The following EPM2A variants were observed in gnomAD, a reference collection of about 807,000 sequenced individuals.
EPM2A encodes laforin.
EPM2A carries 21 observed loss-of-function variants against 26.5 expected under a neutral mutation model. That is an observed-to-expected ratio of 0.79 (90% CI 0.56 to 1.14). The LOEUF (loss-of-function observed/expected upper bound fraction) is 1.14. Ranked by LOEUF, EPM2A falls within the 50% of genes most tolerant of loss-of-function variation. The probability of loss-of-function intolerance (pLI) is 0.00; values close to 1 mark genes in which losing one functional copy is unlikely to be tolerated. For missense variants in EPM2A, 458 were observed against 440.8 expected, an observed-to-expected ratio of 1.04 and a Z score of -0.35; for synonymous variants, 217 against 177.6, an observed-to-expected ratio of 1.22 and a Z score of -1.76.
intron 2 of EPM2A, among the ~76,000 whole-genome samples, chr6:145,593,923 G>A (rs1001533085): frequency 1.3e-5 from 2 of 151,168 alleles, no homozygotes; most frequent in African/African-American, 2.4e-5. Flanking sequence ...AAACTAAAGC[G>A]AAAATCAAAG....
At chr6:145,457,889 T>C (rs1405016276) in intron 4 of EPM2A, among the ~76,000 whole-genome samples, 1 of 152,224 alleles carries the variant, frequency 6.6e-6, no homozygotes, top group Non-Finnish European at 1.5e-5. Context: ...TCTATTCAAA[T>C]ACAAATGTAA....
At chr6:145,408,476 A>G (rs1395582218) in intron 4 of EPM2A, among the ~76,000 whole-genome samples, 2 of 152,108 alleles carry the variant, frequency 1.3e-5, no homozygotes, top group Non-Finnish European at 2.9e-5. Context: ...CAGGGCTTCC[A>G]CTACAATTAC....
intron 2 of EPM2A, among the ~76,000 whole-genome samples, chr6:145,583,047 T>C (rs996267796): frequency 1.3e-5 from 2 of 152,202 alleles, no homozygotes; most frequent in African/African-American, 4.8e-5. Flanking sequence ...TTGTCTTTCA[T>C]TTCCCGTCTT....
At chr6:145,521,504 A>G (rs999844789) in intron 2 of EPM2A, among the ~76,000 whole-genome samples, 7 of 152,364 alleles carry the variant, frequency 4.6e-5, no homozygotes, top group Admixed American at 3.9e-4. Context: ...GTGCAGGCAC[A>G]GATAATAGGT....
intron 2 of EPM2A, among the ~76,000 whole-genome samples, chr6:145,611,837 A>G (rs376319716): frequency 2.6e-4 from 40 of 152,284 alleles, no homozygotes; most frequent in African/African-American, 8.4e-4. Context: ...CAATATAATT[A>G]GCCAAGTTGT....
chr6:145,601,784 G>A (rs991984489), intron 2 of EPM2A, among the ~76,000 whole-genome samples: 7 of 152,148 alleles, frequency 4.6e-5, no homozygotes, highest in Non-Finnish European at 2.9e-5. Flanking sequence ...AACTAGTCAT[G>A]TGACCTCTTT....
chr6:145,606,482 T>C (rs1218506419), intron 2 of EPM2A, among the ~76,000 whole-genome samples: 1 of 152,090 alleles, frequency 6.6e-6, no homozygotes, highest in Non-Finnish European at 1.5e-5. Flanking sequence ...TTAAATACTG[T>C]ATTAAACTTT....
intron 4 of EPM2A, among the ~76,000 whole-genome samples, chr6:145,462,290 C>T (rs577756860): frequency 6.0e-4 from 91 of 152,182 alleles, no homozygotes; most frequent in African/African-American, 2.1e-3. Context: ...CAAGGAGATG[C>T]GTGTGTTTGC....
intron 4 of EPM2A, among the ~76,000 whole-genome samples, chr6:145,390,189 C>T (rs1778318413): frequency 6.6e-6 from 1 of 152,066 alleles, no homozygotes; most frequent in Non-Finnish European, 1.5e-5. Context: ...GGCTGAATTC[C>T]TTCTTTCTTT....
intron 2 of EPM2A, among the ~76,000 whole-genome samples, chr6:145,656,729 G>A (rs1562450519): frequency 6.6e-6 from 1 of 152,090 alleles, no homozygotes; most frequent in Admixed American, 6.6e-5. Flanking sequence ...GTATGAAGCT[G>A]AATGGGATCA....
At chr6:145,485,499 G>C (rs990371032) in intron 4 of EPM2A, among the ~76,000 whole-genome samples, 5 of 152,028 alleles carry the variant, frequency 3.3e-5, no homozygotes, top group African/African-American at 9.7e-5. Flanking sequence ...ACTTCAGAGA[G>C]AGAAGTGAAT....
intron 4 of EPM2A, among the ~76,000 whole-genome samples, chr6:145,422,092 G>C (rs955189939): frequency 7.0e-6 from 1 of 142,132 alleles, no homozygotes; most frequent in Non-Finnish European, 1.5e-5. Context: ...GAGAGAGAGA[G>C]ATAATATATA....
chr6:145,730,780 A>G (rs893523021), intron 1 of EPM2A, among the ~76,000 whole-genome samples: 37 of 152,212 alleles, frequency 2.4e-4, no homozygotes, highest in African/African-American at 8.9e-4. Context: ...GTGATATAAG[A>G]AAAAGGAACA....
chr6:145,404,009 T>C (rs1582728844), intron 4 of EPM2A, among the ~76,000 whole-genome samples: 1 of 152,300 alleles, frequency 6.6e-6, no homozygotes, highest in Admixed American at 6.5e-5. Flanking sequence ...ATTTCTCTGA[T>C]GACCAGTGAT....
intron 1 of EPM2A, among the ~76,000 whole-genome samples, chr6:145,727,555 A>G (rs993566333): frequency 6.6e-6 from 1 of 152,194 alleles, no homozygotes; most frequent in Non-Finnish European, 1.5e-5. Flanking sequence ...TCATTCAACC[A>G]ATATTTACTG....
At chr6:145,679,849 C>T (rs948332461) in intron 2 of EPM2A, among the ~76,000 whole-genome samples, 4 of 152,092 alleles carry the variant, frequency 2.6e-5, no homozygotes, top group Middle Eastern at 3.2e-3. Flanking sequence ...TAAACATCTG[C>T]GAACTGTTTG....
chr6:145,730,711 T>A (rs1249000109), intron 1 of EPM2A, among the ~76,000 whole-genome samples: 1 of 152,222 alleles, frequency 6.6e-6, no homozygotes, highest in East Asian at 1.9e-4. Flanking sequence ...TCAGTTTCTG[T>A]TACTTGCAAT....
At chr6:145,390,643 T>C (rs1304595837) in intron 4 of EPM2A, among the ~76,000 whole-genome samples, 1 of 152,056 alleles carries the variant, frequency 6.6e-6, no homozygotes, top group African/African-American at 2.4e-5. Flanking sequence ...ATTTGTGTTT[T>C]GCTCTCTTAT....
intron 2 of EPM2A, among the ~76,000 whole-genome samples, chr6:145,526,119 A>G (rs1780269711): frequency 6.6e-6 from 1 of 152,146 alleles, no homozygotes; most frequent in Non-Finnish European, 1.5e-5. Context: ...ATACTGAACC[A>G]TCCTTGCATC....
Sources: allele counts gnomAD v4.1 joint callset (sites outside exome capture counted in the v4.1 genomes callset), GRCh38; gene constraint gnomAD v4.1.1; transcripts MANE v1.5; gene names NCBI Gene and HGNC (gene_info 2026-07-23, HGNC 2026-07-21).